Variants in CSMD3 observed in about 807,000 individuals in gnomAD.
The protein encoded by CSMD3 is CUB and Sushi multiple domains 3, also known as CUB and sushi domain-containing protein 3.
Under a neutral mutation model 435.2 loss-of-function variants are expected in CSMD3, and 177 were observed. The observed-to-expected ratio is 0.41, with a 90% CI of 0.36 to 0.46. The LOEUF is 0.46. Among genes scored for constraint, CSMD3 ranks in the 20% least tolerant of loss-of-function variants. CSMD3 has a pLI of 0.34. For missense variants in CSMD3, 4,265 were observed against 4,504.6 expected (o/e 0.95, Z 1.52); for synonymous variants, 1,656 against 1,520.5 (o/e 1.09, Z -2.07).
chr8:113,217,621 A>G (rs1026649051), intron 3 of CSMD3, among the ~76,000 whole-genome samples: 1 of 151,668 alleles, frequency 6.6e-6, no homozygotes, highest in African/African-American at 2.4e-5. Flanking sequence ...GGAAAAATAT[A>G]AGTGAATCTG....
At chr8:112,937,928 G>A (rs2083336128) in intron 9 of CSMD3, among the ~76,000 whole-genome samples, 1 of 152,074 alleles carries the variant, frequency 6.6e-6, no homozygotes, top group Non-Finnish European at 1.5e-5. Flanking sequence ...ATACTGAGCA[G>A]AAAGATAAAA....
chr8:112,666,481 TACAA>T (rs1449793592), intron 16 of CSMD3, 66 bp from the exon 17 acceptor site: 10 of 1,423,196 alleles, frequency 7.0e-6, no homozygotes, highest in South Asian at 1.2e-5. Flanking sequence ...TTATTCTTAA[TACAA>T]ACAATTTCAA....
In CSMD3 at chr8:112,999,888, G is replaced by A. The variant is rs146755417; in HGVS notation, c.1030+19179C>T. On this transcript the variant is annotated intron_variant, in intron 6 of 70. Transcript: ENST00000297405. ...ATGAGCAGACCATGAGAAAATATCC[G>A]GAGTGAAGTGAGGAAGATGTTAAAT... Among the ~76,000 whole-genome samples the A allele has an allele frequency of 3.7e-3, 558 of 152,052 alleles. 5 individuals carry two copies. The highest frequency in any genetic ancestry group is 0.024 in the East Asian group (124 of 5,156).
Position 112,650,340 on chromosome 8 carries a change from A to T in CSMD3, c.3014T>A (p.Val1005Glu), listed in dbSNP as rs2131633572. ...GFKIHYESVT[V>E]NTYSCLDPGI... ...AGGGTCCAAACAAGAATACGTGTTC[A>T]CTGTAACACCTGGAAAACAAAGGGA... is the stretch of plus-strand genomic sequence containing the variant. The change falls in exon 19 of 71, where the codon GTG (valine) becomes GAG (glutamate). Residue 1005 changes from valine (V) to glutamate (E), a missense_variant. Val to Glu is a moderately radical substitution (Grantham distance 121). This residue lies in a region of CSMD3 where 3,255 missense variants were observed against 3,380.2 expected (regional missense o/e 0.96). Coordinates refer to ENST00000297405, the MANE Select transcript of CSMD3 (RefSeq NM_198123.2). 6.2e-7 allele frequency: 1 copy of T among 1,613,280 alleles called. No individual in the cohort carries two copies. Among genetic ancestry groups the T allele is most frequent in the Non-Finnish European group, 8.5e-7 (1 of 1,179,276 alleles).
chr8:112,831,484 T>A (rs1168812479), intron 11 of CSMD3, among the ~76,000 whole-genome samples: 2 of 152,114 alleles, frequency 1.3e-5, no homozygotes, highest in Admixed American at 6.6e-5. Flanking sequence ...CCAAAATTGT[T>A]TTACCAATTC....
intron 5 of CSMD3, among the ~76,000 whole-genome samples, chr8:113,087,285 A>C (rs892408524): frequency 6.6e-6 from 1 of 151,844 alleles, no homozygotes. Context: ...ATATTGCCCA[A>C]GGTAATTTAC....
intron 27 of CSMD3, 45 bp from the exon 28 acceptor site, chr8:112,517,270 A>C (rs754266701): frequency 7.1e-7 from 1 of 1,410,012 alleles, no homozygotes; most frequent in South Asian, 1.2e-5. Context: ...TAACTACCAA[A>C]ATCAATTTCA....
intron 28 of CSMD3, among the ~76,000 whole-genome samples, chr8:112,509,000 G>A (rs966464286): frequency 3.3e-5 from 5 of 151,662 alleles, no homozygotes; most frequent in East Asian, 1.9e-4. Flanking sequence ...AAAAATTATC[G>A]TAAGGTTTAA....
intron 5 of CSMD3, among the ~76,000 whole-genome samples, chr8:113,032,001 TTC>T (rs1038621230): frequency 7.9e-5 from 12 of 151,668 alleles, no homozygotes; most frequent in African/African-American, 2.9e-4. Context: ...AAGCGTTTTC[TTC>T]TCTTTCGCCT....
Position 112,979,829 on chromosome 8 carries a change from A to T in CSMD3, c.1031-3681T>A, listed in dbSNP as rs371934759. Among the ~76,000 whole-genome samples the T allele has an allele frequency of 6.3e-4, 95 of 151,246 alleles. No homozygotes were observed. In the South Asian group the frequency reaches 0.02, roughly 31 times the overall value. On this transcript the variant is annotated intron_variant, in intron 6 of 70. Coordinates refer to ENST00000297405, the MANE Select transcript of CSMD3 (RefSeq NM_198123.2). ...CCTGTCATTAAGTTACTTGAGAAAAATCTAAAAATAAGACGTTCACAATAT... is the reference window on the plus strand; with the variant it reads ...CCTGTCATTAAGTTACTTGAGAAAATTCTAAAAATAAGACGTTCACAATAT...
In CSMD3 at chr8:112,757,244, A is replaced by T. The variant is rs74739951; in HGVS notation, c.1972+42918T>A. On this transcript the variant is annotated intron_variant, in intron 13 of 70. Coordinates refer to ENST00000297405, the MANE Select transcript of CSMD3 (RefSeq NM_198123.2). Reference sequence around the variant, plus strand: ...GAAAGCTTTTTTTATTAATGTTTAAATGATTGTTTTTGCTTATATTTTTCA... The same window carrying T: ...GAAAGCTTTTTTTATTAATGTTTAATTGATTGTTTTTGCTTATATTTTTCA... Among the ~76,000 whole-genome samples, 386 of 152,208 alleles carry T rather than the reference A, an allele frequency of 2.5e-3. 3 individuals are homozygous for T. The highest frequency in any genetic ancestry group is 8.8e-3 in the African/African-American group (365 of 41,546).
intron 59 of CSMD3, among the ~76,000 whole-genome samples, chr8:112,266,050 T>C (rs779301623): frequency 2.6e-5 from 4 of 152,064 alleles, no homozygotes; most frequent in Non-Finnish European, 4.4e-5. Flanking sequence ...CCCCAAGAAA[T>C]TGCAACCTTC....
At chr8:112,242,923 T>C (rs1222419914) in intron 65 of CSMD3, among the ~76,000 whole-genome samples, 2 of 151,998 alleles carry the variant, frequency 1.3e-5, no homozygotes, top group South Asian at 2.1e-4. Flanking sequence ...AAACAAGAGA[T>C]GGCTAAGTAC....
In CSMD3 at chr8:112,517,269, A is replaced by C. The variant is rs1259275812; in HGVS notation, c.4565-44T>G. ...AAAATTTTAGTTTTGATAACTACCAAAATCAATTTCATATATCCCTGTGTT... is the reference window on the plus strand; with the variant it reads ...AAAATTTTAGTTTTGATAACTACCACAATCAATTTCATATATCCCTGTGTT... On this transcript the variant is annotated intron_variant, in intron 27 of 70. Coordinates refer to ENST00000297405, the MANE Select transcript of CSMD3 (RefSeq NM_198123.2). The C allele has an allele frequency of 2.1e-6, 3 of 1,436,706 alleles. No individual in the cohort carries two copies. The East Asian group carries it at 6.9e-5, about 33-fold the overall frequency. The allele number at this position is 1,436,706 out of a possible 1,614,324, so 89.0% of individuals were successfully genotyped here. A position where few individuals can be genotyped will look rare whatever the true frequency, so the allele number is the denominator to read the frequency against.
chr8:112,355,620 T>C lies in CSMD3; in HGVS notation c.6137-3086A>G, dbSNP rs1287646719. On this transcript the variant is annotated intron_variant, in intron 38 of 70. Transcript: ENST00000297405. ...AGTCTGAGGCAGGTGCATCACGAGGTTAGGAGATTGAGACCATCCTGGCTA... is the reference window on the plus strand; with the variant it reads ...AGTCTGAGGCAGGTGCATCACGAGGCTAGGAGATTGAGACCATCCTGGCTA... 2.0e-5 allele frequency among the ~76,000 whole-genome samples: 3 copies of C among 151,546 alleles called. No individual in the cohort carries two copies. In the East Asian group the frequency reaches 5.9e-4, roughly 30 times the overall value.
At chr8:112,415,173 T>C (rs2130186940) in intron 32 of CSMD3, among the ~76,000 whole-genome samples, 1 of 152,264 alleles carries the variant, frequency 6.6e-6, no homozygotes, top group South Asian at 2.1e-4. Context: ...GCCCAAAGGC[T>C]TAGGAGGGAA....
intron 9 of CSMD3, among the ~76,000 whole-genome samples, chr8:112,934,733 G>GA (rs1322021856): frequency 3.3e-5 from 5 of 151,030 alleles, no homozygotes; most frequent in Admixed American, 6.6e-5. Context: ...TGGGAGCCTG[G>GA]AAAAAAAAAT....
intron 24 of CSMD3, among the ~76,000 whole-genome samples, chr8:112,571,413 T>C (rs1178182741): frequency 1.3e-5 from 2 of 152,128 alleles, no homozygotes; most frequent in Non-Finnish European, 2.9e-5. Flanking sequence ...AAGTCAATGA[T>C]CTTACTCATT....
chr8:113,079,032 T>G (rs1564288397), intron 5 of CSMD3, among the ~76,000 whole-genome samples: 1 of 152,138 alleles, frequency 6.6e-6, no homozygotes, highest in Non-Finnish European at 1.5e-5. Flanking sequence ...TGTTTTCTCT[T>G]TGAGCAAAGA....
Sources: allele counts gnomAD v4.1 joint callset (sites outside exome capture counted in the v4.1 genomes callset), GRCh38; gene constraint gnomAD v4.1.1; regional missense constraint gnomAD v4.1.1; transcripts MANE v1.5; gene names NCBI Gene and HGNC (gene_info 2026-07-23, HGNC 2026-07-21).